The following LOC128092252 variants were observed in gnomAD, a reference collection of about 807,000 sequenced individuals.
At chr15:50,663,563 A>G in the LOC128092252 span, among the ~76,000 whole-genome samples, 1 of 152,210 alleles carries the variant, frequency 6.6e-6, no homozygotes, top group South Asian at 2.1e-4. Flanking sequence ...AGTACTGTGT[A>G]GATACTATTG....
chr15:50,664,213 G>T, the LOC128092252 span, among the ~76,000 whole-genome samples: 23 of 150,114 alleles, frequency 1.5e-4, no homozygotes, highest in Non-Finnish European at 2.8e-4. Flanking sequence ...CAGGAGAATC[G>T]CTTGAACCAG....
chr15:50,662,042 A>G, the LOC128092252 span, among the ~76,000 whole-genome samples: 3 of 151,722 alleles, frequency 2.0e-5, no homozygotes, highest in Non-Finnish European at 4.4e-5. Context: ...ACATAGTAAA[A>G]CCCTGTTTCT....
chr15:50,679,515 TA>T, the LOC128092252 span, among the ~76,000 whole-genome samples: 42 of 49,408 alleles, frequency 8.5e-4, no homozygotes, highest in Admixed American at 1.4e-3. Context: ...ATATATAATA[TA>T]TATATATATA....
the LOC128092252 span, among the ~76,000 whole-genome samples, chr15:50,679,511 A>ATATATATGTGTATATATATTATAT: frequency 2.7e-5 from 2 of 75,456 alleles, no homozygotes; most frequent in African/African-American, 1.4e-4. Context: ...GTATATATAT[A>ATATATATGTGTATATATATTATAT]ATATATATAT....
At chr15:50,681,264 TACAC>T in the LOC128092252 span, among the ~76,000 whole-genome samples, 23 of 146,986 alleles carry the variant, frequency 1.6e-4, no homozygotes, top group Admixed American at 3.4e-4. Context: ...AATAAATAAA[TACAC>T]ACACACACAC....
the LOC128092252 span, among the ~76,000 whole-genome samples, chr15:50,654,758 G>T: frequency 4.1e-3 from 620 of 151,026 alleles, 10 homozygotes; most frequent in African/African-American, 0.014. Context: ...CAGCACTTTG[G>T]GATTACAGGC....
At chr15:50,664,344 A>C in the LOC128092252 span, among the ~76,000 whole-genome samples, 1 of 151,992 alleles carries the variant, frequency 6.6e-6, no homozygotes, top group Non-Finnish European at 1.5e-5. Flanking sequence ...AGATTGATAA[A>C]AAATAAAACC....
the LOC128092252 span, among the ~76,000 whole-genome samples, chr15:50,684,760 C>A: frequency 1.4e-4 from 21 of 152,140 alleles, no homozygotes; most frequent in Admixed American, 9.2e-4. Context: ...TGATGGGTTT[C>A]TTTCAACAAA....
the LOC128092252 span, among the ~76,000 whole-genome samples, chr15:50,667,834 T>G: frequency 6.6e-5 from 10 of 152,242 alleles, no homozygotes; most frequent in African/African-American, 2.4e-4. Context: ...ATTTGGCTTA[T>G]TGACATAAAA....
chr15:50,675,343 CAA>C, the LOC128092252 span, among the ~76,000 whole-genome samples: 3 of 133,274 alleles, frequency 2.3e-5, no homozygotes, highest in African/African-American at 2.7e-5. Context: ...AATTCCATTT[CAA>C]AAAAAAAAAA....
At chr15:50,673,344 T>C in the LOC128092252 span, among the ~76,000 whole-genome samples, 3 of 152,200 alleles carry the variant, frequency 2.0e-5, no homozygotes, top group Non-Finnish European at 4.4e-5. Context: ...TAGTGGTGAC[T>C]TGTGAGATTT....
At chr15:50,673,567 C>G in the LOC128092252 span, among the ~76,000 whole-genome samples, 1 of 152,088 alleles carries the variant, frequency 6.6e-6, no homozygotes, top group Non-Finnish European at 1.5e-5. Context: ...TAAGAGTCTC[C>G]AATCTCATCC....
the LOC128092252 span, among the ~76,000 whole-genome samples, chr15:50,652,380 A>C: frequency 6.6e-6 from 1 of 151,224 alleles, no homozygotes; most frequent in East Asian, 1.9e-4. Context: ...AGAAAAGAGA[A>C]AAATCGTGGG....
chr15:50,658,773 T>C, the LOC128092252 span, among the ~76,000 whole-genome samples: 53,174 of 152,010 alleles, frequency 0.35, 10,511 homozygotes, highest in Admixed American at 0.48. Context: ...AAAATGAAAA[T>C]TGTACAAGGT....
chr15:50,662,153 A>C, the LOC128092252 span, among the ~76,000 whole-genome samples: 1 of 152,098 alleles, frequency 6.6e-6, no homozygotes, highest in Non-Finnish European at 1.5e-5. Context: ...AGGAGATTGA[A>C]CCATCCTGGC....
At chr15:50,657,002 C>A in the LOC128092252 span, among the ~76,000 whole-genome samples, 3 of 152,066 alleles carry the variant, frequency 2.0e-5, no homozygotes, top group Admixed American at 6.6e-5. Context: ...TCTTCCAATC[C>A]AATCTAAAAA....
the LOC128092252 span, among the ~76,000 whole-genome samples, chr15:50,679,366 G>A: frequency 6.7e-6 from 1 of 149,954 alleles, no homozygotes; most frequent in Non-Finnish European, 1.5e-5. Flanking sequence ...TGGACGCTTG[G>A]ACGTTCACAC....
At chr15:50,659,208 G>GA in the LOC128092252 span, among the ~76,000 whole-genome samples, 1 of 146,806 alleles carries the variant, frequency 6.8e-6, no homozygotes, top group Non-Finnish European at 1.5e-5. Flanking sequence ...AAAAAAAAAA[G>GA]AAAGAACAAA....
chr15:50,655,450 AAAAAAC>A, the LOC128092252 span, among the ~76,000 whole-genome samples: 1 of 144,282 alleles, frequency 6.9e-6, no homozygotes, highest in Non-Finnish European at 1.6e-5. Context: ...AAAAAAAACA[AAAAAAC>A]AAAAAACCTT....
Sources: allele counts gnomAD v4.1 joint callset (sites outside exome capture counted in the v4.1 genomes callset), GRCh38; gene constraint gnomAD v4.1.1; transcripts MANE v1.5.